PXDC1: variants seen among roughly 807,000 people sequenced by gnomAD.
PXDC1 encodes PX domain-containing protein 1.
Under a neutral mutation model 24.4 loss-of-function variants are expected in PXDC1, and 13 were observed. The ratio of observed to expected loss-of-function variants is 0.53; its 90% CI spans 0.35 to 0.85. PXDC1 has a LOEUF of 0.85. Ranked by LOEUF, PXDC1 falls within the 40% of genes least tolerant of loss-of-function variation. The pLI is 0.01. For synonymous variants in PXDC1, 162 were observed against 124.9 expected, an observed-to-expected ratio of 1.30 and a Z score of -1.98; for missense variants, 344 against 309.3, an observed-to-expected ratio of 1.11 and a Z score of -0.84.
At chr6:3,727,511 A>G in intron 4 of PXDC1, 40 bp downstream of exon 4, 2 of 1,436,596 alleles carry the variant, frequency 1.4e-6, no homozygotes, top group Non-Finnish European at 9.8e-7. Flanking sequence ...CAAATGGCTC[A>G]GGACAGTCTA....
At chr6:3,723,851 C>T in intron 4 of PXDC1, 115 bp from the exon 5 acceptor site, 1 of 769,546 alleles carries the variant, frequency 1.3e-6, no homozygotes, top group South Asian at 1.6e-5. Flanking sequence ...GCAAAAAAAC[C>T]ACGGCTACAA....
intron 1 of PXDC1, 124 bp downstream of exon 1, chr6:3,751,152 G>T: frequency 1.3e-6 from 1 of 763,688 alleles, no homozygotes; most frequent in Non-Finnish European, 1.9e-6. Context: ...GGGTCCAAGT[G>T]TCCCCTGTCC....
At chr6:3,749,588 T>A (rs1192263852) in intron 1 of PXDC1, among the ~76,000 whole-genome samples, 2 of 151,298 alleles carry the variant, frequency 1.3e-5, no homozygotes, top group Non-Finnish European at 2.9e-5. Flanking sequence ...TCCACCAGCG[T>A]GGATGCAACT....
intron 1 of PXDC1, among the ~76,000 whole-genome samples, chr6:3,745,813 C>A (rs1351602580): frequency 1.3e-5 from 2 of 152,238 alleles, no homozygotes; most frequent in Non-Finnish European, 2.9e-5. Flanking sequence ...TTCCCTCCCC[C>A]TCTGCACCCG....
rs955640702 is a variant in PXDC1, at chr6:3,725,183, G to A, written c.579-1447C>T. ...GCGTGCCGAAAGGTTCAAGCCAGTCGAGGGACAGAGCCACAGCGCCACCTC... is the reference window on the plus strand; with the variant it reads ...GCGTGCCGAAAGGTTCAAGCCAGTCAAGGGACAGAGCCACAGCGCCACCTC... On this transcript the variant is annotated intron_variant, in intron 4 of 4. Coordinates refer to ENST00000380283, the MANE Select transcript of PXDC1 (RefSeq NM_183373.4). The surrounding 1 kb of genome is among the most constrained non-coding windows in gnomAD (Gnocchi z 4.8). Among the ~76,000 whole-genome samples, 10 of 152,128 alleles carry A rather than the reference G, an allele frequency of 6.6e-5. No individual in the cohort carries two copies. The highest frequency in any genetic ancestry group is 1.4e-4 in the African/African-American group (6 of 41,416).
rs1037952358 is a variant in PXDC1 at position 3,728,657 on chromosome 6, C to A, written c.467-995G>T. ...CATGGCCTTGGGACTCAGTTTCCTC[C>A]AATGAAAAATTTCAAAGTTGTATTA... On this transcript the variant is annotated intron_variant, in intron 3 of 4. Coordinates refer to ENST00000380283, the MANE Select transcript of PXDC1 (RefSeq NM_183373.4). This position sits in a 1 kb window ranked among gnomAD's most constrained non-coding sequence, Gnocchi z 4.0. Among the ~76,000 whole-genome samples the A allele has an allele frequency of 1.2e-4, 18 of 152,232 alleles. No homozygotes were observed. Among genetic ancestry groups the A allele is most frequent in the African/African-American group, 3.9e-4 (16 of 41,542 alleles).
chr6:3,749,218 T>G (rs1380116462), intron 1 of PXDC1, among the ~76,000 whole-genome samples: 1 of 149,804 alleles, frequency 6.7e-6, no homozygotes, highest in South Asian at 2.2e-4. Flanking sequence ...TGTGCCAGAC[T>G]GTCCCCAGCA....
rs1357655317 is a variant in PXDC1, at chr6:3,724,689, T to C, written c.579-953A>G. Among the ~76,000 whole-genome samples the C allele has an allele frequency of 2.6e-5, 4 of 152,156 alleles. No individual in the cohort carries two copies. The East Asian group carries it at 5.8e-4, about 22-fold the overall frequency. On this transcript the variant is annotated intron_variant, in intron 4 of 4. Transcript: ENST00000380283. This position sits in a 1 kb window ranked among gnomAD's most constrained non-coding sequence, Gnocchi z 4.5. Reference sequence around the variant, plus strand: ...CTGTGCCGCCCCCAGTGACTGAAGGTGGCCCTGGCCCGTGGACAACTGTGG... The same window carrying C: ...CTGTGCCGCCCCCAGTGACTGAAGGCGGCCCTGGCCCGTGGACAACTGTGG...
chr6:3,731,758 A>G (rs972096031), intron 3 of PXDC1, among the ~76,000 whole-genome samples: 2 of 152,188 alleles, frequency 1.3e-5, no homozygotes, highest in African/African-American at 2.4e-5. Context: ...GCACTCTTAG[A>G]GAGGACTGAG....
At chr6:3,727,692 C>T (rs1479155135) in intron 3 of PXDC1, 30 bp from the exon 4 acceptor site, 1 of 1,465,454 alleles carries the variant, frequency 6.8e-7, no homozygotes, top group Admixed American at 1.7e-5. Flanking sequence ...GGTGAGTCCT[C>T]AGGAGGGGTC....
chr6:3,739,475 A>C (rs139743059), intron 1 of PXDC1, among the ~76,000 whole-genome samples: 151 of 152,374 alleles, frequency 9.9e-4, no homozygotes, highest in Non-Finnish European at 2.0e-3. Context: ...TCAGCCACAC[A>C]GGCCCAGGCG....
chr6:3,748,910 C>G (rs1760633957), intron 1 of PXDC1, among the ~76,000 whole-genome samples: 1 of 152,164 alleles, frequency 6.6e-6, no homozygotes, highest in Non-Finnish European at 1.5e-5. Context: ...ATCTGGCTGC[C>G]TTTTGTGTTT....
chr6:3,731,073 G>C (rs1393478780), intron 3 of PXDC1, among the ~76,000 whole-genome samples: 1 of 152,188 alleles, frequency 6.6e-6, no homozygotes, highest in East Asian at 1.9e-4. Flanking sequence ...GATCTATCAT[G>C]ATCATTCAGT....
intron 1 of PXDC1, among the ~76,000 whole-genome samples, chr6:3,747,001 G>C (rs916628120): frequency 2.6e-5 from 4 of 152,168 alleles, no homozygotes; most frequent in African/African-American, 9.7e-5. Flanking sequence ...GCAGGTAGAT[G>C]AATGTCTTTG....
intron 1 of PXDC1, chr6:3,739,122 G>T (rs72847739): frequency 0.011 from 12,420 of 1,172,468 alleles, 82 homozygotes; most frequent in Non-Finnish European, 0.012. Context: ...TTTTGCAGGG[G>T]AAAAGCCTGT....
chr6:3,751,585 C>G lies in PXDC1; in HGVS notation c.-54G>C. 4 of 1,444,190 alleles carry G rather than the reference C, an allele frequency of 2.8e-6. No homozygotes were observed. Among genetic ancestry groups the G allele is most frequent in the Non-Finnish European group, 3.6e-6 (4 of 1,103,352 alleles). The allele number at this position is 1,444,190 out of a possible 1,614,324, so 89.5% of individuals were successfully genotyped here. ...CCCAGCCCCGCCGCCCGCCCGCCCGCAGGAGGCGCGCCCCGGCCGGGGTCG... is the reference window on the plus strand; with the variant it reads ...CCCAGCCCCGCCGCCCGCCCGCCCGGAGGAGGCGCGCCCCGGCCGGGGTCG... On this transcript the variant is annotated 5_prime_UTR_variant, in exon 1 of 5. Coordinates refer to ENST00000380283, the MANE Select transcript of PXDC1 (RefSeq NM_183373.4).
In PXDC1 at chr6:3,750,366, T is replaced by C. The variant is rs574254419; in HGVS notation, c.256+910A>G. On this transcript the variant is annotated intron_variant, in intron 1 of 4. Transcript: ENST00000380283. ...GTTCCGAGCTACAGGTGGTCACCCA[T>C]GGAGGGGGGTGGGACCTGCTCGGAA... Among the ~76,000 whole-genome samples the C allele has an allele frequency of 1.9e-3, 294 of 152,282 alleles. 3 individuals carry two copies. Among genetic ancestry groups the C allele is most frequent in the Non-Finnish European group, 3.6e-3 (245 of 68,010 alleles).
At chr6:3,740,345 A>G (rs1760425545) in intron 1 of PXDC1, among the ~76,000 whole-genome samples, 1 of 152,264 alleles carries the variant, frequency 6.6e-6, no homozygotes, top group Admixed American at 6.5e-5. Context: ...AGTATGGCCA[A>G]ACTTGGCAAA....
At chr6:3,739,705 A>G (rs1465012573) in intron 1 of PXDC1, among the ~76,000 whole-genome samples, 2 of 152,270 alleles carry the variant, frequency 1.3e-5, no homozygotes, top group Non-Finnish European at 2.9e-5. Context: ...GAGAAGGAAG[A>G]AAACGAGAAA....
Sources: gnomAD v4.1 joint callset for allele counts (sites outside exome capture counted in the v4.1 genomes callset) on GRCh38, gnomAD v4.1.1 for gene constraint, Gnocchi (gnomAD v3.1) non-coding constraint, MANE v1.5 for transcripts, NCBI Gene and HGNC (gene_info 2026-07-23, HGNC 2026-07-21) for gene names.